Variants in TMX4 observed in about 807,000 individuals in gnomAD.
The protein encoded by TMX4 is thioredoxin-related transmembrane protein 4.
A neutral mutation model predicts 33.3 loss-of-function variants in TMX4; 23 were observed. The ratio of observed to expected loss-of-function variants is 0.69; its 90% CI spans 0.50 to 0.98. TMX4 has a LOEUF of 0.98. Ranked by LOEUF, TMX4 falls within the 50% of genes least tolerant of loss-of-function variation. TMX4 has a pLI of 0.00. For synonymous variants in TMX4, 164 were observed against 161.5 expected (o/e 1.02, Z -0.12); for missense variants, 399 against 448.9 (o/e 0.89, Z 1.01).
In TMX4 at chr20:8,019,452, C is replaced by T; in HGVS notation, c.162G>A (p.Glu54=). The T allele has an allele frequency of 6.6e-7, 1 of 1,518,680 alleles. No homozygotes were observed. Among genetic ancestry groups the T allele is most frequent in the South Asian group, 1.2e-5 (1 of 81,800 alleles). The allele number at this position is 1,518,680 out of a possible 1,614,324, so 94.1% of individuals were successfully genotyped here. A position where few individuals can be genotyped will look rare whatever the true frequency, so the allele number is the denominator to read the frequency against. Residue 54 remains glutamate, a synonymous_variant, in exon 1 of 8, where the codon GAG becomes GAA. Coordinates refer to ENST00000246024, the MANE Select transcript of TMX4 (RefSeq NM_021156.4). Reference sequence around the variant, plus strand: ...GGCACACTCACAATTTCAGCATCCACTCGCCCTCCATCACCAGCGTCCAGT... The same window carrying T: ...GGCACACTCACAATTTCAGCATCCATTCGCCCTCCATCACCAGCGTCCAGT... ...ASNWTLVMEG[E]WMLKFYAPWC...
chr20:8,009,769 A>G (rs1015854093), intron 2 of TMX4, among the ~76,000 whole-genome samples: 1 of 151,764 alleles, frequency 6.6e-6, no homozygotes, highest in South Asian at 2.1e-4. Flanking sequence ...ATTTTAAAAA[A>G]TGAGGGATAA....
At chr20:8,019,285 C>A in intron 1 of TMX4, 153 bp downstream of exon 1, 1 of 923,824 alleles carries the variant, frequency 1.1e-6, no homozygotes, top group Non-Finnish European at 1.5e-6. Flanking sequence ...TCGCAAGCGG[C>A]CCGGCACCGG....
At chr20:7,995,818 C>T (rs927984531) in intron 5 of TMX4, among the ~76,000 whole-genome samples, 2 of 151,840 alleles carry the variant, frequency 1.3e-5, no homozygotes, top group Non-Finnish European at 2.9e-5. Context: ...AAGACCTCGA[C>T]ACAGTAGTTA....
At chr20:8,003,887 A>G (rs2050716887) in intron 2 of TMX4, among the ~76,000 whole-genome samples, 1 of 152,170 alleles carries the variant, frequency 6.6e-6, no homozygotes, top group Admixed American at 6.5e-5. Context: ...CCTCAAGATT[A>G]CTTTCATTTA....
chr20:7,995,122 A>T lies in TMX4; in HGVS notation c.513+904T>A, dbSNP rs6118038. On this transcript the variant is annotated intron_variant, in intron 5 of 7. Transcript: ENST00000246024. ...AAGTGGAATACAAAAGGTTTTTCTT[A>T]AATGTCTTTCAACATATATGAATGT... Among the ~76,000 whole-genome samples, 1,177 of 152,302 alleles carry T rather than the reference A, an allele frequency of 7.7e-3. 11 individuals are homozygous for T. The highest frequency in any genetic ancestry group is 0.013 in the Non-Finnish European group (910 of 68,006).
In TMX4 at chr20:8,010,251, C is replaced by T. The variant is rs191545441; in HGVS notation, c.241G>A (p.Gly81Ser). The change falls in exon 2 of 8, where the codon GGT (glycine) becomes AGT (serine). Residue 81 changes from glycine to serine, a missense_variant. By Grantham distance (56) the Gly-to-Ser change is moderately conservative. Coordinates refer to ENST00000246024, the MANE Select transcript of TMX4 (RefSeq NM_021156.4). ...DSEWEAFAKN[G>S]EILQISVGKV... ...CCCACACTGATCTGAAGTATTTCAC[C>T]ATTCTTTGCAAAAGCCTCCCATTCT... 79 of 1,612,088 alleles carry T rather than the reference C, an allele frequency of 4.9e-5. No homozygotes were observed. Among genetic ancestry groups the T allele is most frequent in the Non-Finnish European group, 6.6e-5 (78 of 1,178,612 alleles).
chr20:8,009,540 T>C (rs1328439540), intron 2 of TMX4, among the ~76,000 whole-genome samples: 1 of 152,104 alleles, frequency 6.6e-6, no homozygotes, highest in Non-Finnish European at 1.5e-5. Context: ...AAAATTAGCA[T>C]TACTAATGGT....
At chr20:7,987,165 T>C (rs2050634324) in intron 6 of TMX4, 123 bp downstream of exon 6, 10 of 683,190 alleles carry the variant, frequency 1.5e-5, no homozygotes, top group South Asian at 1.3e-4. Flanking sequence ...GCAAATGCTA[T>C]TTAACTACTT....
At chr20:8,014,610 T>C (rs2050765134) in intron 1 of TMX4, among the ~76,000 whole-genome samples, 1 of 152,248 alleles carries the variant, frequency 6.6e-6, no homozygotes, top group African/African-American at 2.4e-5. Context: ...GTGTAATTAC[T>C]GGTTGTGATA....
At chr20:8,005,696 C>T (rs1285938971) in intron 2 of TMX4, among the ~76,000 whole-genome samples, 1 of 152,090 alleles carries the variant, frequency 6.6e-6, no homozygotes, top group South Asian at 2.1e-4. Context: ...GAACACACAG[C>T]GGCTGGACAT....
chr20:8,013,599 G>T (rs2050761481), intron 1 of TMX4, among the ~76,000 whole-genome samples: 1 of 152,072 alleles, frequency 6.6e-6, no homozygotes, highest in Admixed American at 6.6e-5. Flanking sequence ...TGTCCATGTT[G>T]TCCGTGTTTT....
intron 1 of TMX4, among the ~76,000 whole-genome samples, chr20:8,018,452 GA>G (rs2050790399): frequency 3.6e-5 from 1 of 27,688 alleles, no homozygotes; most frequent in Non-Finnish European, 5.6e-5. Context: ...GAGAGAGGGG[GA>G]GGGAGGGAGG....
intron 2 of TMX4, among the ~76,000 whole-genome samples, chr20:8,008,502 CTG>C (rs1568538557): frequency 6.6e-6 from 1 of 152,114 alleles, no homozygotes; most frequent in Non-Finnish European, 1.5e-5. Flanking sequence ...TTAAAAATAA[CTG>C]TAAGTCTACA....
chr20:8,005,319 C>A (rs937596070), intron 2 of TMX4, among the ~76,000 whole-genome samples: 14 of 152,208 alleles, frequency 9.2e-5, no homozygotes, highest in Non-Finnish European at 2.1e-4. Flanking sequence ...TCAACTGACA[C>A]ATCACCTGAT....
intron 1 of TMX4, chr20:8,019,233 C>T: frequency 1.7e-6 from 1 of 584,326 alleles, no homozygotes; most frequent in Non-Finnish European, 2.8e-6. Context: ...GTTGGTAAGG[C>T]GGGTCCGCGG....
chr20:7,988,964 G>A (rs1262642833), intron 5 of TMX4, among the ~76,000 whole-genome samples: 1 of 151,802 alleles, frequency 6.6e-6, no homozygotes, highest in Non-Finnish European at 1.5e-5. Flanking sequence ...CAGAGGGAGT[G>A]GGCTGAGATT....
At chr20:8,017,676 C>G (rs1187048556) in intron 1 of TMX4, among the ~76,000 whole-genome samples, 1 of 152,186 alleles carries the variant, frequency 6.6e-6, no homozygotes, top group Non-Finnish European at 1.5e-5. Context: ...AAGATGACAT[C>G]TAGGAAAAAG....
chr20:7,994,968 A>G (rs1170258704), intron 5 of TMX4, among the ~76,000 whole-genome samples: 1 of 149,722 alleles, frequency 6.7e-6, no homozygotes, highest in Admixed American at 6.6e-5. Flanking sequence ...AAATGCCAAA[A>G]AAAGTTAAAT....
At chr20:7,993,679 G>A (rs1256698172) in intron 5 of TMX4, among the ~76,000 whole-genome samples, 2 of 152,038 alleles carry the variant, frequency 1.3e-5, no homozygotes, top group South Asian at 2.1e-4. Flanking sequence ...AAAGGATGGG[G>A]ACTTATTTCT....
Sources: allele counts gnomAD v4.1 joint callset (sites outside exome capture counted in the v4.1 genomes callset), GRCh38; gene constraint gnomAD v4.1.1; transcripts MANE v1.5; gene names NCBI Gene and HGNC (gene_info 2026-07-23, HGNC 2026-07-21).